Variants in BACE1 observed in about 807,000 individuals in gnomAD.
BACE1 encodes the protein beta-secretase 1.
In BACE1, 21 loss-of-function variants were observed where a neutral mutation model predicts 54.0. The observed-to-expected ratio is 0.39, with a 90% CI of 0.28 to 0.56. The LOEUF (loss-of-function observed/expected upper bound fraction) is 0.56, where lower values mean the gene tolerates loss of function less well. BACE1 is among the 20% of genes least tolerant of loss of function. The probability of loss-of-function intolerance (pLI) is 0.63; values close to 1 mark genes in which losing one functional copy is unlikely to be tolerated. For missense variants in BACE1, 511 were observed against 661.2 expected (o/e 0.77, Z 2.49); for synonymous variants, 232 against 260.9 (o/e 0.89, Z 1.07).
intron 1 of BACE1, among the ~76,000 whole-genome samples, chr11:117,303,068 A>G (rs1565363844): frequency 6.6e-6 from 1 of 152,186 alleles, no homozygotes; most frequent in South Asian, 2.1e-4. Flanking sequence ...TGAAAGAGCT[A>G]ATCTACCCTG....
intron 1 of BACE1, among the ~76,000 whole-genome samples, chr11:117,308,235 C>T (rs909823820): frequency 2.0e-5 from 3 of 152,196 alleles, no homozygotes; most frequent in African/African-American, 7.2e-5. Context: ...TAGTTTTCTA[C>T]TGCTCTGATC....
At position 117,289,524 on chromosome 11, in the gene BACE1, G is replaced by T; in HGVS notation, c.*42C>A. On this transcript the variant is annotated 3_prime_UTR_variant, in exon 9 of 9. Transcript: ENST00000313005. ...CTTGTGACCAAAGTGAACCACGGAG[G>T]TGTGGTCCAGGGGAATCTCTATCTT... is the stretch of plus-strand genomic sequence containing the variant. 1.2e-6 allele frequency: 2 copies of T among 1,604,926 alleles called. No individual in the cohort carries two copies. Among genetic ancestry groups the T allele is most frequent in the Non-Finnish European group, 1.7e-6 (2 of 1,174,840 alleles).
rs28989505 is a variant in BACE1, at chr11:117,291,956, C to G, written c.841-143G>C. ...AAGTGTACCTGCTTGGACAAGTTAA[C>G]CTCTGTGCCTCAGTTCCTTCATCTC... On this transcript the variant is annotated intron_variant, in intron 5 of 8. Coordinates refer to ENST00000313005, the MANE Select transcript of BACE1 (RefSeq NM_012104.6). 1,582 of 544,244 alleles carry G rather than the reference C, an allele frequency of 2.9e-3. 38 individuals carry two copies. Among genetic ancestry groups the G allele is most frequent in the East Asian group, 0.029 (928 of 32,330 alleles). The allele number at this position is 544,244 out of a possible 1,614,324, so 33.7% of individuals were successfully genotyped here.
Position 117,310,351 on chromosome 11 carries a change from T to C in BACE1, c.261+5184A>G, listed in dbSNP as rs111496709. Among the ~76,000 whole-genome samples, 1,446 of 152,358 alleles carry C rather than the reference T, an allele frequency of 9.5e-3. 24 individuals carry two copies. Among genetic ancestry groups the C allele is most frequent in the African/African-American group, 0.033 (1,385 of 41,574 alleles). On this transcript the variant is annotated intron_variant, in intron 1 of 8. Transcript: ENST00000313005. The stretch of plus-strand genomic sequence containing the variant: ...TTTTAGGTGTATGTTCTGAGCTTGG[T>C]ATTGTTATAGATTATTATAACACAA...
At chr11:117,305,788 C>T (rs2034819392) in intron 1 of BACE1, among the ~76,000 whole-genome samples, 1 of 152,214 alleles carries the variant, frequency 6.6e-6, no homozygotes, top group Admixed American at 6.5e-5. Flanking sequence ...GTAATCCCAG[C>T]ACTTTGGGAG....
chr11:117,312,713 T>G (rs2034976341), intron 1 of BACE1, among the ~76,000 whole-genome samples: 1 of 152,202 alleles, frequency 6.6e-6, no homozygotes, highest in African/African-American at 2.4e-5. Context: ...TCCGCCGGCC[T>G]CAGCCTCCCA....
At chr11:117,306,429 A>G (rs2034834470) in intron 1 of BACE1, among the ~76,000 whole-genome samples, 1 of 152,172 alleles carries the variant, frequency 6.6e-6, no homozygotes, top group Non-Finnish European at 1.5e-5. Context: ...CGCTCAGCAC[A>G]TGGGCTTGTT....
At chr11:117,312,519 A>G (rs995867986) in intron 1 of BACE1, among the ~76,000 whole-genome samples, 10 of 151,924 alleles carry the variant, frequency 6.6e-5, no homozygotes, top group Admixed American at 5.9e-4. Context: ...CTGGAGTGCA[A>G]TGGCGTGATC....
Position 117,293,778 on chromosome 11 carries a change from G to A in BACE1, c.705+93C>T. On this transcript the variant is annotated intron_variant, in intron 4 of 8. Coordinates refer to ENST00000313005, the MANE Select transcript of BACE1 (RefSeq NM_012104.6). This position sits in a 1 kb window ranked among gnomAD's most constrained non-coding sequence, Gnocchi z 4.1. Reference sequence around the variant, plus strand: ...GTTCCTCCTGATTCTAAGTATCGGAGCCAAAACTGTGGTGTAGCTTTCAGG... The same window carrying A: ...GTTCCTCCTGATTCTAAGTATCGGAACCAAAACTGTGGTGTAGCTTTCAGG... 1 of 1,371,438 alleles carries A rather than the reference G, an allele frequency of 7.3e-7. No homozygotes were observed. Among genetic ancestry groups the A allele is most frequent in the East Asian group, 2.5e-5 (1 of 39,482 alleles). The allele number at this position is 1,371,438 out of a possible 1,614,324, so 85.0% of individuals were successfully genotyped here. A position where few individuals can be genotyped will look rare whatever the true frequency, so the allele number is the denominator to read the frequency against.
chr11:117,316,164 C>T lies in BACE1; in HGVS notation c.-369G>A. On this transcript the variant is annotated 5_prime_UTR_variant, in exon 1 of 9. Coordinates refer to ENST00000313005, the MANE Select transcript of BACE1 (RefSeq NM_012104.6). ...GCGGCGCGGGCAGGGGCAAGGGCTC[C>T]GGGCTCCTGCGGCTGCGTTGGCTGC... 1 of 399,964 alleles carries T rather than the reference C, an allele frequency of 2.5e-6. No homozygotes were observed. The highest frequency in any genetic ancestry group is 4.4e-6 in the Non-Finnish European group (1 of 226,934). The allele number at this position is 399,964 out of a possible 1,614,324, so 24.8% of individuals were successfully genotyped here. A position where few individuals can be genotyped will look rare whatever the true frequency, so the allele number is the denominator to read the frequency against.
At chr11:117,303,636 C>G (rs2034771793) in intron 1 of BACE1, among the ~76,000 whole-genome samples, 1 of 152,198 alleles carries the variant, frequency 6.6e-6, no homozygotes, top group Admixed American at 6.5e-5. Flanking sequence ...GAGACTCTTT[C>G]CAATTCTGAA....
Position 117,293,267 on chromosome 11 carries a change from A to C in BACE1, c.706-79T>G. The stretch of plus-strand genomic sequence containing the variant: ...CCCCCAAGGACCAAGCAATAAGATC[A>C]GTGATTTCTTGGGGTGGCAAGGTCT... On this transcript the variant is annotated intron_variant, in intron 4 of 8. Coordinates refer to ENST00000313005, the MANE Select transcript of BACE1 (RefSeq NM_012104.6). This position sits in a 1 kb window ranked among gnomAD's most constrained non-coding sequence, Gnocchi z 4.1. 2 of 1,504,776 alleles carry C rather than the reference A, an allele frequency of 1.3e-6. No individual in the cohort carries two copies. The highest frequency in any genetic ancestry group is 1.8e-6 in the Non-Finnish European group (2 of 1,112,976). The allele number at this position is 1,504,776 out of a possible 1,614,324, so 93.2% of individuals were successfully genotyped here.
rs1189929071 is a variant in BACE1, at chr11:117,293,136, G to A, written c.758C>T (p.Pro253Leu). The A allele has an allele frequency of 1.9e-6, 3 of 1,614,060 alleles. No individual in the cohort carries two copies. The highest frequency in any genetic ancestry group is 1.3e-5 in the African/African-American group (1 of 74,992). Reference sequence around the variant, plus strand: ...CTCATAATACCACTCCCGCCGGATGGGTGTATACCAGAGACTGCCTGTGTA... The same window carrying A: ...CTCATAATACCACTCCCGCCGGATGAGTGTATACCAGAGACTGCCTGTGTA... ...SLYTGSLWYTPIRREWYYEVI... is the reference protein window; with the variant it reads ...SLYTGSLWYTLIRREWYYEVI... Residue 253 changes from proline (P) to leucine (L), a missense_variant, in exon 5 of 9, where the codon CCC becomes CTC. Coordinates refer to ENST00000313005, the MANE Select transcript of BACE1 (RefSeq NM_012104.6). The surrounding 1 kb of genome is among the most constrained non-coding windows in gnomAD (Gnocchi z 4.1).
Position 117,293,111 on chromosome 11 carries a change from C to T in BACE1, c.783G>A (p.Glu261=), listed in dbSNP as rs1361556221. The part of the protein sequence containing the change: ...YTPIRREWYY[E]VIIVRVEING... ...TGATCTCCACCCGCACAATGATCAC[C>T]TCATAATACCACTCCCGCCGGATGG... Residue 261 remains glutamate, a synonymous_variant, in exon 5 of 9, where the codon GAG becomes GAA. Coordinates refer to ENST00000313005, the MANE Select transcript of BACE1 (RefSeq NM_012104.6). The surrounding 1 kb of genome is among the most constrained non-coding windows in gnomAD (Gnocchi z 4.1). 11 of 1,614,090 alleles carry T rather than the reference C, an allele frequency of 6.8e-6. No homozygotes were observed. The highest frequency in any genetic ancestry group is 9.3e-6 in the Non-Finnish European group (11 of 1,180,026).
chr11:117,303,832 G>A (rs1376935820), intron 1 of BACE1, among the ~76,000 whole-genome samples: 1 of 152,174 alleles, frequency 6.6e-6, no homozygotes, highest in Non-Finnish European at 1.5e-5. Flanking sequence ...TGCATAACAA[G>A]GCTTTCAGCT....
In BACE1 at chr11:117,289,145, T is replaced by C. The variant is rs1195977038; in HGVS notation, c.*421A>G. 1 of 189,628 alleles carries C rather than the reference T, an allele frequency of 5.3e-6. No homozygotes were observed. The highest frequency in any genetic ancestry group is 1.1e-5 in the Non-Finnish European group (1 of 89,050). 11.7% of individuals were successfully genotyped at this position (189,628 alleles called of 1,614,324 possible). A position where few individuals can be genotyped will look rare whatever the true frequency, so the allele number is the denominator to read the frequency against. On this transcript the variant is annotated 3_prime_UTR_variant, in exon 9 of 9. Coordinates refer to ENST00000313005, the MANE Select transcript of BACE1 (RefSeq NM_012104.6). ...GACTTTGGCCAGCAGGGAAACAAGC[T>C]TGGTCTCTTCTCTGCCAGGGTACCA...
chr11:117,299,816 C>A (rs1184661595), intron 1 of BACE1: 1 of 270,852 alleles, frequency 3.7e-6, no homozygotes, highest in Non-Finnish European at 7.3e-6. Flanking sequence ...CCCTCTTCCC[C>A]ATTCTCAGGA....
rs1372995332 is a variant in BACE1, at chr11:117,288,279, T to G, written c.*1287A>C. The G allele has an allele frequency of 2.0e-5, 3 of 152,290 alleles. No homozygotes were observed. The highest frequency in any genetic ancestry group is 4.8e-5 in the African/African-American group (2 of 41,458). 9.4% of individuals were successfully genotyped at this position (152,290 alleles called of 1,614,324 possible). On this transcript the variant is annotated 3_prime_UTR_variant, in exon 9 of 9. Coordinates refer to ENST00000313005, the MANE Select transcript of BACE1 (RefSeq NM_012104.6). ...TAAAGCACTGTATTTCTCATACTCT[T>G]GGTATAATGCTAGTGCCACTGTGTG...
At position 117,293,456 on chromosome 11, in the gene BACE1, A is replaced by G. The variant is rs2034511884; in HGVS notation, c.706-268T>C. On this transcript the variant is annotated intron_variant, in intron 4 of 8. Coordinates refer to ENST00000313005, the MANE Select transcript of BACE1 (RefSeq NM_012104.6). The surrounding 1 kb of genome is among the most constrained non-coding windows in gnomAD (Gnocchi z 4.1). ...TAAAGTTATTTAAATCTAAACTGCC[A>G]CAATAAATGTTGAATGAATGGTTAT... is the stretch of plus-strand genomic sequence containing the variant. 6.1e-6 allele frequency: 2 copies of G among 328,446 alleles called. No individual in the cohort carries two copies. Among genetic ancestry groups the G allele is most frequent in the African/African-American group, 4.3e-5 (2 of 46,600 alleles). 20.3% of individuals were successfully genotyped at this position (328,446 alleles called of 1,614,324 possible).
Sources: allele counts gnomAD v4.1 joint callset (sites outside exome capture counted in the v4.1 genomes callset), GRCh38; gene constraint gnomAD v4.1.1; non-coding constraint Gnocchi (gnomAD v3.1); transcripts MANE v1.5; gene names NCBI Gene and HGNC (gene_info 2026-07-23, HGNC 2026-07-21).